Variants in SORCS1 observed in about 807,000 individuals in gnomAD.
The protein encoded by SORCS1 is VPS10 domain-containing receptor SorCS1.
Under a neutral mutation model 146.1 loss-of-function variants are expected in SORCS1, and 60 were observed. The observed-to-expected ratio is 0.41, with a 90% CI of 0.33 to 0.51. SORCS1 has a LOEUF of 0.51. Among genes scored for constraint, SORCS1 ranks in the 20% least tolerant of loss-of-function variants. The probability of loss-of-function intolerance (pLI) is 0.21; values close to 1 mark genes in which losing one functional copy is unlikely to be tolerated. For synonymous variants in SORCS1, 637 were observed against 584.0 expected (o/e 1.09, Z -1.31); for missense variants, 1,352 against 1,487.6 (o/e 0.91, Z 1.50).
At chr10:107,125,426 C>A (rs860288) in intron 1 of SORCS1, among the ~76,000 whole-genome samples, 5,203 of 152,244 alleles carry the variant, frequency 0.034, 318 homozygotes, top group African/African-American at 0.12. Context: ...AGCATTCTGC[C>A]TGGATGTGCT....
At chr10:106,867,006 C>T (rs1950243384) in intron 2 of SORCS1, among the ~76,000 whole-genome samples, 4 of 152,192 alleles carry the variant, frequency 2.6e-5, no homozygotes, top group Admixed American at 2.6e-4. Flanking sequence ...CCAGGCTGAG[C>T]TGGCTGGTTT....
chr10:106,794,739 A>G (rs990148263), intron 3 of SORCS1, among the ~76,000 whole-genome samples: 2 of 151,916 alleles, frequency 1.3e-5, no homozygotes, highest in Non-Finnish European at 2.9e-5. Flanking sequence ...TCCTGACCTC[A>G]TGATCCGCCC....
chr10:106,588,739 C>T lies in SORCS1; in HGVS notation c.3265+8612G>A, dbSNP rs547882396. Among the ~76,000 whole-genome samples, 94 of 151,404 alleles carry T rather than the reference C, an allele frequency of 6.2e-4. 1 individual carries two copies. The highest frequency in any genetic ancestry group is 3.3e-3 in the Admixed American group (50 of 15,220). ...AGCCGGGCGTGGTGGCAGGTGCCTG[C>T]GGTTCCAGCTACTCCGGAGGCTGAG... On this transcript the variant is annotated intron_variant, in intron 24 of 25. Coordinates refer to ENST00000263054, the MANE Select transcript of SORCS1 (RefSeq NM_052918.5).
intron 5 of SORCS1, among the ~76,000 whole-genome samples, chr10:106,744,812 G>A (rs1857602704): frequency 6.6e-6 from 1 of 152,174 alleles, no homozygotes; most frequent in Non-Finnish European, 1.5e-5. Flanking sequence ...GTGCATGTGT[G>A]TGTATGTGTA....
chr10:106,895,417 C>A (rs1008521341), intron 2 of SORCS1, among the ~76,000 whole-genome samples: 14 of 152,136 alleles, frequency 9.2e-5, no homozygotes, highest in African/African-American at 2.7e-4. Context: ...TCAAGACCAG[C>A]CTGACAAACA....
chr10:106,933,335 T>G (rs1039017234), intron 2 of SORCS1, among the ~76,000 whole-genome samples: 8 of 152,202 alleles, frequency 5.3e-5, no homozygotes, highest in Non-Finnish European at 1.2e-4. Flanking sequence ...CAATTGGTCT[T>G]GGGTGGGGCC....
chr10:106,705,786 GTTC>G (rs994709584), intron 8 of SORCS1, among the ~76,000 whole-genome samples: 68 of 152,304 alleles, frequency 4.5e-4, no homozygotes, highest in Admixed American at 1.2e-3. Context: ...TATTAACGCA[GTTC>G]TTCAGCACTT....
intron 1 of SORCS1, among the ~76,000 whole-genome samples, chr10:107,078,720 C>A (rs1963089816): frequency 6.6e-6 from 1 of 152,134 alleles, no homozygotes; most frequent in African/African-American, 2.4e-5. Flanking sequence ...CTTACCAACA[C>A]CCCTCTCCTC....
At chr10:106,627,203 A>G (rs893989701) in intron 19 of SORCS1, among the ~76,000 whole-genome samples, 4 of 152,214 alleles carry the variant, frequency 2.6e-5, no homozygotes, top group African/African-American at 7.2e-5. Context: ...GGAATGAGAA[A>G]AAAACCTACA....
Position 107,045,487 on chromosome 10 carries a change from A to G in SORCS1, c.559-88907T>C, listed in dbSNP as rs576970645. Among the ~76,000 whole-genome samples the G allele has an allele frequency of 2.0e-5, 3 of 152,206 alleles. No individual in the cohort carries two copies. The East Asian group carries it at 5.8e-4, about 29-fold the overall frequency. On this transcript the variant is annotated intron_variant, in intron 1 of 25. Transcript: ENST00000263054. ...GTATGCAATATCTGACTTGAACTTC[A>G]TATTTGTAGAGTGTTACAGGGCATG...
At chr10:106,850,667 T>A (rs1490607425) in intron 2 of SORCS1, among the ~76,000 whole-genome samples, 2 of 152,246 alleles carry the variant, frequency 1.3e-5, no homozygotes, top group African/African-American at 4.8e-5. Context: ...CAAGAGCCTC[T>A]ATTTGGTAAG....
chr10:106,684,999 AAAC>A (rs1180936790), intron 10 of SORCS1, among the ~76,000 whole-genome samples: 1 of 152,142 alleles, frequency 6.6e-6, no homozygotes, highest in African/African-American at 2.4e-5. Context: ...AAACTACATT[AAAC>A]AACAGGGTTA....
In SORCS1 at chr10:106,699,374, G is replaced by T; in HGVS notation, c.1253C>A (p.Thr418Asn). The change falls in exon 9 of 26, where the codon ACC becomes AAC. Residue 418 changes from threonine (T) to asparagine (N), a missense_variant. Around this residue, in one of 3 missense-constraint regions of SORCS1, gnomAD observed 648 missense variants for 793.8 expected, o/e 0.82. Coordinates refer to ENST00000263054, the MANE Select transcript of SORCS1 (RefSeq NM_052918.5). ...ALPKDMHVISTDENQVFAAVQ... is the reference protein window; with the variant it reads ...ALPKDMHVISNDENQVFAAVQ... ...CGCTGCGAACACCTGATTCTCATCG[G>T]TGCTGATAACATGCATGTCCTGTGA... 1 of 1,612,468 alleles carries T rather than the reference G, an allele frequency of 6.2e-7. No homozygotes were observed. The highest frequency in any genetic ancestry group is 8.5e-7 in the Non-Finnish European group (1 of 1,179,190).
intron 1 of SORCS1, among the ~76,000 whole-genome samples, chr10:106,958,072 A>G (rs1203457482): frequency 6.6e-6 from 1 of 152,230 alleles, no homozygotes; most frequent in Non-Finnish European, 1.5e-5. Flanking sequence ...TGGTGTCTGC[A>G]GCAATGAACA....
At chr10:106,722,262 T>C (rs2135947604) in intron 6 of SORCS1, among the ~76,000 whole-genome samples, 1 of 152,220 alleles carries the variant, frequency 6.6e-6, no homozygotes, top group Middle Eastern at 3.4e-3. Context: ...AAACACACTC[T>C]GTAGCTGAGA....
At chr10:106,876,543 C>T (rs1159534035) in intron 2 of SORCS1, among the ~76,000 whole-genome samples, 5 of 152,186 alleles carry the variant, frequency 3.3e-5, no homozygotes, top group Non-Finnish European at 7.3e-5. Flanking sequence ...AGGGAATGCC[C>T]TCTCTGGCTG....
chr10:106,856,862 G>A (rs2137366056), intron 2 of SORCS1, among the ~76,000 whole-genome samples: 1 of 152,320 alleles, frequency 6.6e-6, no homozygotes, highest in East Asian at 1.9e-4. Flanking sequence ...GTGATTTGCT[G>A]TGTCTGACTG....
intron 1 of SORCS1, among the ~76,000 whole-genome samples, chr10:107,089,503 C>A (rs1036984341): frequency 2.6e-5 from 4 of 152,164 alleles, no homozygotes; most frequent in Admixed American, 1.3e-4. Flanking sequence ...GCTTTAATAT[C>A]ATCTAATAGA....
rs185047203 is a variant in SORCS1, at chr10:106,700,561, T to G, written c.1234-1168A>C. ...TCTTTCCAGATGCACCATACTCTAT[T>G]TTTGAAAAGCTTTAGGAAATCTGAC... On this transcript the variant is annotated intron_variant, in intron 8 of 25. Transcript: ENST00000263054. Among the ~76,000 whole-genome samples the G allele has an allele frequency of 3.7e-4, 57 of 152,338 alleles. No homozygotes were observed. In the East Asian group the frequency reaches 8.5e-3, roughly 23 times the overall value.
Sources: gnomAD v4.1 joint callset for allele counts (sites outside exome capture counted in the v4.1 genomes callset) on GRCh38, gnomAD v4.1.1 for gene constraint, gnomAD v4.1.1 regional missense constraint, MANE v1.5 for transcripts, NCBI Gene and HGNC (gene_info 2026-07-23, HGNC 2026-07-21) for gene names.